DYTN: variants seen among roughly 807,000 people sequenced by gnomAD.
The protein encoded by DYTN is dystrotelin.
In DYTN, 75 loss-of-function variants were observed where a neutral mutation model predicts 69.6. The ratio of observed to expected loss-of-function variants is 1.08; its 90% CI spans 0.89 to 1.31. DYTN has a LOEUF of 1.31. Ranked by LOEUF, DYTN falls within the 50% of genes most tolerant of loss-of-function variation. The pLI is 0.00. For missense variants in DYTN, 726 were observed against 688.4 expected (o/e 1.05, Z -0.61); for synonymous variants, 252 against 249.1 (o/e 1.01, Z -0.11).
intron 3 of DYTN, among the ~76,000 whole-genome samples, chr2:206,706,934 C>G (rs1700033476): frequency 6.7e-6 from 1 of 148,776 alleles, no homozygotes; most frequent in Admixed American, 6.7e-5. Context: ...TAATGGTTTA[C>G]AAAGAAATCA....
Position 206,663,394 on chromosome 2 carries a change from G to C in DYTN, c.1142C>G (p.Ala381Gly). ...TGAAGGACCGGGTGGCTGCAACCTT[G>C]CCTGGGGAAACAAAACTTTATTTAT... ...KLQQIRRDLQ[A>G]RLQPPGPSSS... Residue 381 changes from alanine (A) to glycine (G), a missense_variant and splice_region_variant, in exon 11 of 12, where the codon GCA becomes GGA. Physicochemically the swap from Ala to Gly is moderately conservative, Grantham distance 60. Transcript: ENST00000452335. 2 of 1,569,172 alleles carry C rather than the reference G, an allele frequency of 1.3e-6. No individual in the cohort carries two copies. Among genetic ancestry groups the C allele is most frequent in the African/African-American group, 2.7e-5 (2 of 72,732 alleles).
intron 9 of DYTN, among the ~76,000 whole-genome samples, chr2:206,682,766 T>G (rs1699764210): frequency 6.6e-6 from 1 of 152,150 alleles, no homozygotes; most frequent in South Asian, 2.1e-4. Context: ...AATTTTAATG[T>G]GTCCCAAACT....
chr2:206,667,821 T>A (rs1026897610), intron 9 of DYTN, among the ~76,000 whole-genome samples: 1 of 152,136 alleles, frequency 6.6e-6, no homozygotes, highest in East Asian at 1.9e-4. Flanking sequence ...TTTTATTTGA[T>A]CACTGCTGTT....
In DYTN at chr2:206,667,691, C is replaced by T. The variant is rs112858784; in HGVS notation, c.981-1662G>A. Among the ~76,000 whole-genome samples the T allele has an allele frequency of 3.8e-4, 50 of 130,460 alleles. 1 individual carries two copies. Among genetic ancestry groups the T allele is most frequent in the Admixed American group, 8.0e-4 (10 of 12,496 alleles). 85.6% of individuals were successfully genotyped at this position (130,460 alleles called of 152,430 possible). On this transcript the variant is annotated intron_variant, in intron 9 of 11. Coordinates refer to ENST00000452335, the MANE Select transcript of DYTN (RefSeq NM_001093730.1). ...TTGTCTATTTATTCTGGCAACTTTG[C>T]GTGTGCGTGTGTGTGTGTGTGTGTG...
At chr2:206,666,154 T>C (rs529900858) in intron 9 of DYTN, 125 bp from the exon 10 acceptor site, 4 of 1,304,450 alleles carry the variant, frequency 3.1e-6, no homozygotes, top group Non-Finnish European at 3.1e-6. Context: ...GTGTCTCAAC[T>C]GTGTTTTTTG....
At chr2:206,702,800 C>G (rs1699987765) in intron 5 of DYTN, among the ~76,000 whole-genome samples, 1 of 152,176 alleles carries the variant, frequency 6.6e-6, no homozygotes, top group Admixed American at 6.5e-5. Flanking sequence ...GGTTTTCAAC[C>G]TACATTTTTG....
intron 11 of DYTN, among the ~76,000 whole-genome samples, chr2:206,656,257 T>C (rs1360918137): frequency 6.6e-6 from 1 of 152,150 alleles, no homozygotes; most frequent in Non-Finnish European, 1.5e-5. Flanking sequence ...CTTGTGTGAG[T>C]TTTTGACTTA....
intron 9 of DYTN, among the ~76,000 whole-genome samples, chr2:206,677,431 A>C (rs998719715): frequency 6.8e-6 from 1 of 146,712 alleles, no homozygotes; most frequent in Admixed American, 6.8e-5. Context: ...ACACATTCTA[A>C]AATGACAAAT....
chr2:206,710,718 G>C (rs1388779002), intron 1 of DYTN, 120 bp from the exon 2 acceptor site: 1 of 716,762 alleles, frequency 1.4e-6, no homozygotes, highest in East Asian at 3.0e-5. Flanking sequence ...AGGAAATTAA[G>C]GTTTAGAGCT....
In DYTN at chr2:206,699,779, T is replaced by C; in HGVS notation, c.667A>G (p.Thr223Ala). The C allele has an allele frequency of 1.2e-6, 2 of 1,613,708 alleles. No homozygotes were observed. The highest frequency in any genetic ancestry group is 1.1e-5 in the South Asian group (1 of 91,064). Reference protein sequence around the residue: ...CHRLSAAERVTHPARCTLCRT... With the variant: ...CHRLSAAERVAHPARCTLCRT... The stretch of plus-strand genomic sequence containing the variant: ...CAGAGAGTGCACCGAGCAGGGTGAG[T>C]GACCCTTTCAGCAGCTGATAACCGG... Residue 223 changes from threonine (T) to alanine (A), a missense_variant, in exon 7 of 12, where the codon ACT becomes GCT. Coordinates refer to ENST00000452335, the MANE Select transcript of DYTN (RefSeq NM_001093730.1).
chr2:206,668,112 T>C (rs1210186330), intron 9 of DYTN, among the ~76,000 whole-genome samples: 1 of 152,178 alleles, frequency 6.6e-6, no homozygotes, highest in Non-Finnish European at 1.5e-5. Flanking sequence ...GCCCAGGGAT[T>C]TTACACAGCC....
intron 11 of DYTN, among the ~76,000 whole-genome samples, chr2:206,655,916 C>T (rs1486355619): frequency 6.6e-6 from 1 of 152,056 alleles, no homozygotes; most frequent in Non-Finnish European, 1.5e-5. Flanking sequence ...ATGATCTATC[C>T]CAGAAAATGT....
At chr2:206,684,915 T>A (rs907694874) in intron 9 of DYTN, among the ~76,000 whole-genome samples, 3 of 152,142 alleles carry the variant, frequency 2.0e-5, no homozygotes, top group Non-Finnish European at 4.4e-5. Flanking sequence ...AGATAATAAG[T>A]TTTATCAGTT....
At chr2:206,704,433 A>T (rs1700005400) in intron 5 of DYTN, among the ~76,000 whole-genome samples, 1 of 152,198 alleles carries the variant, frequency 6.6e-6, no homozygotes, top group South Asian at 2.1e-4. Context: ...TATGGGGTGT[A>T]AGGAAAAATT....
chr2:206,683,033 T>A (rs1225712287), intron 9 of DYTN, among the ~76,000 whole-genome samples: 1 of 151,664 alleles, frequency 6.6e-6, no homozygotes, highest in Non-Finnish European at 1.5e-5. Flanking sequence ...GATCACATAA[T>A]CCCCTACACC....
chr2:206,688,008 T>C (rs1479672278), intron 9 of DYTN, among the ~76,000 whole-genome samples: 1 of 152,178 alleles, frequency 6.6e-6, no homozygotes, highest in Non-Finnish European at 1.5e-5. Context: ...TCAAAATTAT[T>C]TTATCCTATT....
At chr2:206,697,419 A>T (rs546868784) in intron 7 of DYTN, among the ~76,000 whole-genome samples, 2 of 152,146 alleles carry the variant, frequency 1.3e-5, no homozygotes, top group Non-Finnish European at 2.9e-5. Flanking sequence ...TAGAAGGCCA[A>T]ATCTTTGTCC....
In DYTN at chr2:206,710,574, G is replaced by T. The variant is rs1411799461; in HGVS notation, c.44C>A (p.Ser15Tyr). 6.2e-7 allele frequency: 1 copy of T among 1,610,518 alleles called. No homozygotes were observed. Among genetic ancestry groups the T allele is most frequent in the South Asian group, 1.1e-5 (1 of 90,144 alleles). Residue 15 changes from serine (S) to tyrosine (Y), a missense_variant, in exon 2 of 12, where the codon TCC (serine) becomes TAC (tyrosine). By Grantham distance (144) the Ser-to-Tyr change is moderately radical (BLOSUM62 -2). Coordinates refer to ENST00000452335, the MANE Select transcript of DYTN (RefSeq NM_001093730.1). Reference protein sequence around the residue: ...KQDALNSIENSIYRTAFKLQS... With the variant: ...KQDALNSIENYIYRTAFKLQS... ...TAATTTGAAGGCTGTTCTATAAATG[G>T]AATTCTCAATACTATTAAGAGCATC... is the stretch of plus-strand genomic sequence containing the variant.
intron 9 of DYTN, among the ~76,000 whole-genome samples, chr2:206,683,333 CTTTTTCTTT>C (rs1699771631): frequency 7.5e-6 from 1 of 133,482 alleles, no homozygotes; most frequent in African/African-American, 2.9e-5. Flanking sequence ...CTTCTTTTTA[CTTTTTCTTT>C]TTTTTTTTTT....
Sources: gnomAD v4.1 joint callset for allele counts (sites outside exome capture counted in the v4.1 genomes callset) on GRCh38, gnomAD v4.1.1 for gene constraint, MANE v1.5 for transcripts, NCBI Gene and HGNC (gene_info 2026-07-23, HGNC 2026-07-21) for gene names.